The following ARHGAP10 variants were observed in gnomAD, a reference collection of about 807,000 sequenced individuals.
ARHGAP10 encodes the protein rho GTPase-activating protein 10.
In ARHGAP10, 87 loss-of-function variants were observed where a neutral mutation model predicts 108.6. That is an observed-to-expected ratio of 0.80 (90% CI 0.67 to 0.96). The LOEUF (loss-of-function observed/expected upper bound fraction) is 0.96. Ranked by LOEUF, ARHGAP10 falls within the 40% of genes least tolerant of loss-of-function variation. The pLI, the probability that ARHGAP10 is intolerant of heterozygous loss-of-function variation, is 0.00. For synonymous variants in ARHGAP10, 347 were observed against 341.1 expected, an observed-to-expected ratio of 1.02 and a Z score of -0.19; for missense variants, 939 against 954.5, an observed-to-expected ratio of 0.98 and a Z score of 0.21.
At chr4:147,831,655 C>T (rs1032670827) in intron 3 of ARHGAP10, among the ~76,000 whole-genome samples, 1 of 152,208 alleles carries the variant, frequency 6.6e-6, no homozygotes, top group Admixed American at 6.5e-5. Context: ...CTGACCTTTA[C>T]AATTGGACAG....
At chr4:147,865,678 C>G (rs1734527928) in intron 6 of ARHGAP10, 1 of 152,150 alleles carries the variant, frequency 6.6e-6, no homozygotes, top group Non-Finnish European at 1.5e-5. Flanking sequence ...AGATAATATT[C>G]ACACAGTATA....
At chr4:147,973,662 C>A (rs971201475) in intron 18 of ARHGAP10, among the ~76,000 whole-genome samples, 13 of 152,014 alleles carry the variant, frequency 8.6e-5, no homozygotes, top group Non-Finnish European at 1.3e-4. Flanking sequence ...GCCCATTAAC[C>A]ATCCCTGCTC....
intron 18 of ARHGAP10, among the ~76,000 whole-genome samples, chr4:148,020,676 TC>T (rs1217953953): frequency 2.0e-5 from 3 of 152,204 alleles, no homozygotes; most frequent in Non-Finnish European, 4.4e-5. Flanking sequence ...CACCACATTT[TC>T]TTTATCCAGT....
chr4:147,923,539 A>G (rs1737332113), intron 13 of ARHGAP10, among the ~76,000 whole-genome samples: 1 of 152,160 alleles, frequency 6.6e-6, no homozygotes, highest in African/African-American at 2.4e-5. Flanking sequence ...ATTCACTTTA[A>G]TTTTCTAGAG....
rs1189737524 is a variant in ARHGAP10 at position 147,931,709 on chromosome 4, G to C, written c.1229-8116G>C. 9.2e-5 allele frequency among the ~76,000 whole-genome samples: 14 copies of C among 152,208 alleles called. No individual in the cohort carries two copies. In the South Asian group the frequency reaches 2.9e-3, roughly 32 times the overall value. On this transcript the variant is annotated intron_variant, in intron 13 of 22. Transcript: ENST00000336498. ...AAAATTCCAAGGCTAGGTGTGTTTTGGAATTCAGACCTTTTTAATTAAAAA... is the reference window on the plus strand; with the variant it reads ...AAAATTCCAAGGCTAGGTGTGTTTTCGAATTCAGACCTTTTTAATTAAAAA...
intron 13 of ARHGAP10, among the ~76,000 whole-genome samples, chr4:147,939,469 T>G (rs1560836225): frequency 6.6e-6 from 1 of 152,234 alleles, no homozygotes; most frequent in African/African-American, 2.4e-5. Flanking sequence ...GCTAAAACTT[T>G]TGAAGAAAAA....
At chr4:147,951,062 G>A (rs1738580436) in intron 15 of ARHGAP10, among the ~76,000 whole-genome samples, 1 of 152,070 alleles carries the variant, frequency 6.6e-6, no homozygotes, top group Admixed American at 6.5e-5. Context: ...ATTCTGTATG[G>A]GGAACTTGTC....
rs547212503 is a variant in ARHGAP10, at chr4:147,768,064, A to G, written c.154+35609A>G. 1.1e-4 allele frequency among the ~76,000 whole-genome samples: 16 copies of G among 152,378 alleles called. No individual in the cohort carries two copies. The East Asian group carries it at 2.9e-3, about 28-fold the overall frequency. On this transcript the variant is annotated intron_variant, in intron 1 of 22. Transcript: ENST00000336498. ...GACTATTCCGGGATGACTTTTAAATATTTACACTGAATAAATACCTGTATC... is the reference window on the plus strand; with the variant it reads ...GACTATTCCGGGATGACTTTTAAATGTTTACACTGAATAAATACCTGTATC...
intron 1 of ARHGAP10, among the ~76,000 whole-genome samples, chr4:147,742,993 C>T (rs574410211): frequency 6.1e-5 from 9 of 148,374 alleles, no homozygotes; most frequent in African/African-American, 2.0e-4. Context: ...ATTTGAGAAT[C>T]GGGCAGATTC....
intron 8 of ARHGAP10, among the ~76,000 whole-genome samples, chr4:147,878,527 T>C (rs552595847): frequency 6.6e-6 from 1 of 152,288 alleles, no homozygotes; most frequent in South Asian, 2.1e-4. Flanking sequence ...TCTATAATTC[T>C]ATCATTTTGA....
chr4:148,050,365 CTTTTT>C (rs11309245), intron 20 of ARHGAP10, among the ~76,000 whole-genome samples: 2 of 59,300 alleles, frequency 3.4e-5, no homozygotes, highest in Non-Finnish European at 6.7e-5. Context: ...TCATCATCAT[CTTTTT>C]TTTTTTTTTT....
chr4:147,988,434 G>T (rs10021991), intron 18 of ARHGAP10, among the ~76,000 whole-genome samples: 12,228 of 152,118 alleles, frequency 0.08, 1,039 homozygotes, highest in African/African-American at 0.21. Flanking sequence ...TGGCCTGCCG[G>T]TCCTTTGGTC....
chr4:148,062,663 C>G (rs1729673588), intron 20 of ARHGAP10, among the ~76,000 whole-genome samples: 1 of 152,232 alleles, frequency 6.6e-6, no homozygotes, highest in African/African-American at 2.4e-5. Context: ...CTTTGGCCCT[C>G]TCTAGAGGAA....
intron 1 of ARHGAP10, among the ~76,000 whole-genome samples, chr4:147,742,109 A>C (rs1728702121): frequency 6.6e-6 from 1 of 152,026 alleles, no homozygotes; most frequent in Admixed American, 6.6e-5. Context: ...CAATTTGGCC[A>C]CAGCAGTGTC....
chr4:147,866,139 T>C (rs1442386315), intron 6 of ARHGAP10: 5 of 152,248 alleles, frequency 3.3e-5, no homozygotes, highest in Non-Finnish European at 7.3e-5. Context: ...CCCAGATCAC[T>C]TCTTTTTACT....
intron 1 of ARHGAP10, among the ~76,000 whole-genome samples, chr4:147,794,072 GTT>G (rs1337787104): frequency 6.6e-6 from 1 of 152,204 alleles, no homozygotes; most frequent in Non-Finnish European, 1.5e-5. Context: ...ACTGCCAAGT[GTT>G]TTACCCTTCG....
At chr4:147,878,317 C>T (rs931109195) in intron 8 of ARHGAP10, among the ~76,000 whole-genome samples, 1 of 152,090 alleles carries the variant, frequency 6.6e-6, no homozygotes, top group Non-Finnish European at 1.5e-5. Flanking sequence ...GGATGGTCTC[C>T]ATCTCCTGAC....
intron 3 of ARHGAP10, among the ~76,000 whole-genome samples, chr4:147,830,006 G>T (rs111818514): frequency 6.6e-6 from 1 of 152,148 alleles, no homozygotes; most frequent in Non-Finnish European, 1.5e-5. Context: ...GAGCTGTTCC[G>T]CCTCCCTCTC....
intron 5 of ARHGAP10, chr4:147,863,499 C>T (rs1362597095): frequency 2.0e-5 from 3 of 152,196 alleles, no homozygotes; most frequent in Admixed American, 6.5e-5. Context: ...ACTCATCCAT[C>T]CATCCATGGG....
Sources: gnomAD v4.1 joint callset for allele counts (sites outside exome capture counted in the v4.1 genomes callset) on GRCh38, gnomAD v4.1.1 for gene constraint, MANE v1.5 for transcripts, NCBI Gene and HGNC (gene_info 2026-07-23, HGNC 2026-07-21) for gene names.